Variants in OPCML observed in about 807,000 individuals in gnomAD.
OPCML encodes the protein opioid binding protein/cell adhesion molecule like, also known as opioid-binding protein/cell adhesion molecule.
A neutral mutation model predicts 37.8 loss-of-function variants in OPCML; 13 were observed. That is an observed-to-expected ratio of 0.34 (90% CI 0.22 to 0.55). The LOEUF (loss-of-function observed/expected upper bound fraction) is 0.55, where lower values mean the gene tolerates loss of function less well. Among genes scored for constraint, OPCML ranks in the 20% least tolerant of loss-of-function variants. OPCML has a pLI of 0.91. For missense variants in OPCML, 341 were observed against 435.6 expected, an observed-to-expected ratio of 0.78 and a Z score of 1.93; for synonymous variants, 176 against 168.8, an observed-to-expected ratio of 1.04 and a Z score of -0.33.
intron 2 of OPCML, among the ~76,000 whole-genome samples, chr11:132,768,181 T>C (rs1230011233): frequency 2.0e-5 from 3 of 152,202 alleles, no homozygotes; most frequent in African/African-American, 4.8e-5. Flanking sequence ...GCTTATTCTA[T>C]TGGAGACGCG....
intron 1 of OPCML, chr11:133,004,984 C>T: frequency 1.0e-6 from 1 of 985,406 alleles, no homozygotes; most frequent in Non-Finnish European, 1.2e-6. Context: ...CCCACCTGGA[C>T]TGCTGCACTC....
At chr11:132,701,998 C>A (rs149658337) in intron 2 of OPCML, among the ~76,000 whole-genome samples, 1 of 151,958 alleles carries the variant, frequency 6.6e-6, no homozygotes, top group South Asian at 2.1e-4. Context: ...TCACAATTTA[C>A]GTATTTTATA....
intron 1 of OPCML, among the ~76,000 whole-genome samples, chr11:133,249,264 C>T (rs900529046): frequency 1.3e-5 from 2 of 151,916 alleles, no homozygotes; most frequent in African/African-American, 4.8e-5. Context: ...GAAGGCAAAG[C>T]GGATTAGGCA....
chr11:132,638,404 A>G (rs778097160), intron 3 of OPCML, among the ~76,000 whole-genome samples: 2 of 152,092 alleles, frequency 1.3e-5, no homozygotes, highest in Non-Finnish European at 1.5e-5. Flanking sequence ...TTTAGTTTAT[A>G]GTTTAACCTT....
chr11:132,725,870 G>A (rs1412861162), intron 2 of OPCML, among the ~76,000 whole-genome samples: 1 of 151,948 alleles, frequency 6.6e-6, no homozygotes, highest in Non-Finnish European at 1.5e-5. Context: ...CTTAGGCAGG[G>A]GCAAAATGCT....
chr11:132,948,562 G>A (rs1945795134), intron 1 of OPCML, among the ~76,000 whole-genome samples: 2 of 152,138 alleles, frequency 1.3e-5, no homozygotes, highest in Non-Finnish European at 2.9e-5. Context: ...ATAAAGGGCA[G>A]GCTCACAGGC....
intron 1 of OPCML, among the ~76,000 whole-genome samples, chr11:133,032,810 A>G (rs1218732656): frequency 6.6e-6 from 1 of 152,192 alleles, no homozygotes; most frequent in East Asian, 1.9e-4. Context: ...AAAGACTCTA[A>G]TACAAACATT....
At chr11:132,980,401 C>T (rs1252797841) in intron 1 of OPCML, among the ~76,000 whole-genome samples, 2 of 152,214 alleles carry the variant, frequency 1.3e-5, no homozygotes, top group African/African-American at 4.8e-5. Context: ...TAACAACAGT[C>T]TGACATCTTT....
intron 1 of OPCML, chr11:133,067,116 C>T (rs1948453721): frequency 6.6e-6 from 1 of 152,198 alleles, no homozygotes. Flanking sequence ...CCCTGTTGCT[C>T]CCTTATGGCA....
intron 1 of OPCML, among the ~76,000 whole-genome samples, chr11:133,483,828 G>GATAGATA (rs1555165667): frequency 2.8e-5 from 4 of 144,272 alleles, no homozygotes; most frequent in African/African-American, 5.3e-5. Context: ...TAGATAGATA[G>GATAGATA]GATGGATACA....
rs1283035803 is a variant in OPCML, at chr11:132,688,856, A to G, written c.147-31537T>C. On this transcript the variant is annotated intron_variant, in intron 2 of 7. Coordinates refer to ENST00000524381, the MANE Select transcript of OPCML (RefSeq NM_001012393.5). ...TCCCAGCTACTCGGGAGGCTGAGGC[A>G]GGAGAATGGCGTGAACCCGGGAAGC... Among the ~76,000 whole-genome samples the G allele has an allele frequency of 4.8e-5, 4 of 83,456 alleles. 2 individuals are homozygous for G. Among genetic ancestry groups the G allele is most frequent in the Non-Finnish European group, 9.3e-5 (4 of 43,138 alleles). 54.8% of individuals were successfully genotyped at this position (83,456 alleles called of 152,430 possible). A position where few individuals can be genotyped will look rare whatever the true frequency, so the allele number is the denominator to read the frequency against.
At chr11:133,239,175 C>G (rs557566177) in intron 1 of OPCML, among the ~76,000 whole-genome samples, 1 of 152,198 alleles carries the variant, frequency 6.6e-6, no homozygotes, top group Non-Finnish European at 1.5e-5. Flanking sequence ...GGGAATTACC[C>G]GCTAACTTTG....
chr11:133,402,472 T>C (rs999334877), intron 1 of OPCML, among the ~76,000 whole-genome samples: 33 of 152,198 alleles, frequency 2.2e-4, no homozygotes, highest in African/African-American at 7.5e-4. Context: ...TAGAGAAATC[T>C]AGAGAAGCAA....
intron 3 of OPCML, among the ~76,000 whole-genome samples, chr11:132,554,561 G>C (rs887792153): frequency 6.6e-6 from 1 of 152,174 alleles, no homozygotes; most frequent in Non-Finnish European, 1.5e-5. Context: ...GATGAGCTTT[G>C]CTGAGGACAG....
At chr11:132,851,227 TGTTA>T (rs1345953444) in intron 2 of OPCML, among the ~76,000 whole-genome samples, 1 of 152,260 alleles carries the variant, frequency 6.6e-6, no homozygotes, top group Non-Finnish European at 1.5e-5. Flanking sequence ...TTCCAATTTG[TGTTA>T]GTTGTTAGAC....
intron 1 of OPCML, among the ~76,000 whole-genome samples, chr11:133,280,280 G>C (rs548241989): frequency 1.3e-5 from 2 of 152,246 alleles, no homozygotes; most frequent in East Asian, 1.9e-4. Flanking sequence ...TCAGAATTTT[G>C]CATGATCTTA....
At position 133,220,838 on chromosome 11, in the gene OPCML, C is replaced by T. The variant is rs551885087; in HGVS notation, c.62-277828G>A. 2.2e-4 allele frequency among the ~76,000 whole-genome samples: 34 copies of T among 152,214 alleles called. 1 individual carries two copies. Among genetic ancestry groups the T allele is most frequent in the African/African-American group, 6.5e-4 (27 of 41,534 alleles). ...TAACAGCCCCCCGATCTATAGCCCC[C>T]GGCTTCGTTCGAGTCCGTTTGGAGA... On this transcript the variant is annotated intron_variant, in intron 1 of 7. Coordinates refer to ENST00000524381, the MANE Select transcript of OPCML (RefSeq NM_001012393.5).
intron 1 of OPCML, among the ~76,000 whole-genome samples, chr11:133,503,364 T>A (rs1040407375): frequency 6.6e-6 from 1 of 152,070 alleles, no homozygotes; most frequent in Non-Finnish European, 1.5e-5. Context: ...CAGCGGAGTT[T>A]AAACTCAGCT....
chr11:132,533,435 TGATA>T (rs531707812), intron 3 of OPCML, among the ~76,000 whole-genome samples: 192 of 152,198 alleles, frequency 1.3e-3, no homozygotes, highest in African/African-American at 4.4e-3. Context: ...AAGAGATAGA[TGATA>T]GATAGATAAA....
Sources: gnomAD v4.1 joint callset for allele counts (sites outside exome capture counted in the v4.1 genomes callset) on GRCh38, gnomAD v4.1.1 for gene constraint, MANE v1.5 for transcripts, NCBI Gene and HGNC (gene_info 2026-07-23, HGNC 2026-07-21) for gene names.